TSPEAR: variants seen among roughly 807,000 people sequenced by gnomAD.
TSPEAR encodes thrombospondin-type laminin G domain and EAR repeat-containing protein.
In TSPEAR, 69 loss-of-function variants were observed where a neutral mutation model predicts 71.6. That is an observed-to-expected ratio of 0.96 (90% CI 0.79 to 1.18). The LOEUF (loss-of-function observed/expected upper bound fraction) is 1.18, where lower values mean the gene tolerates loss of function less well. Among genes scored for constraint, TSPEAR ranks in the 50% most tolerant of loss-of-function variants. The pLI is 0.00. For synonymous variants in TSPEAR, 402 were observed against 387.2 expected (o/e 1.04, Z -0.45); for missense variants, 971 against 894.9 (o/e 1.09, Z -1.09).
chr21:44,533,805 C>A lies in TSPEAR; in HGVS notation c.422G>T (p.Trp141Leu), dbSNP rs1555916021. 1 of 1,612,510 alleles carries A rather than the reference C, an allele frequency of 6.2e-7. No homozygotes were observed. Residue 141 changes from tryptophan (W) to leucine (L), a missense_variant, in exon 3 of 12, where the codon TGG (tryptophan) becomes TTG (leucine). By Grantham distance (61) the Trp-to-Leu change is moderately conservative. Transcript: ENST00000323084. Reference sequence around the variant, plus strand: ...GCTGCGGAAGGACACTCGGGTCTGCCAGGCGCCGGCCGTGTCCTCGCGAAG... The same window carrying A: ...GCTGCGGAAGGACACTCGGGTCTGCAAGGCGCCGGCCGTGTCCTCGCGAAG... ...LFLREDTAGA[W>L]QTRVSFRSPA...
At chr21:44,589,271 CT>C (rs1555926076) in intron 1 of TSPEAR, among the ~76,000 whole-genome samples, 1 of 152,246 alleles carries the variant, frequency 6.6e-6, no homozygotes, top group Non-Finnish European at 1.5e-5. Flanking sequence ...TATTGGATTC[CT>C]TTTCATGGCT....
chr21:44,618,688 C>T (rs1488352443), intron 1 of TSPEAR, among the ~76,000 whole-genome samples: 3 of 152,202 alleles, frequency 2.0e-5, no homozygotes, highest in African/African-American at 7.2e-5. Flanking sequence ...GTTTGTAAGG[C>T]AGTGCAGTTG....
intron 11 of TSPEAR, 29 bp from the exon 12 acceptor site, chr21:44,499,965 A>C (rs2051996798): frequency 6.3e-7 from 1 of 1,582,130 alleles, no homozygotes; most frequent in Admixed American, 1.8e-5. Context: ...CAGCCGGGTC[A>C]GCCTGGGCTC....
Position 44,522,087 on chromosome 21 carries a change from G to A in TSPEAR, c.1362C>T (p.Val454=), listed in dbSNP as rs782366024. Residue 454 remains valine, a synonymous_variant, in exon 9 of 12, where the codon GTC becomes GTT. Coordinates refer to ENST00000323084, the MANE Select transcript of TSPEAR (RefSeq NM_144991.3). The part of the protein sequence containing the change: ...REGDNHNIDS[V]IYKWNPATRL... ...GGGTTGCCGGGTTCCACTTGTAGATGACACTGTCGATGTTGTGGTTGTCGC... is the reference window on the plus strand; with the variant it reads ...GGGTTGCCGGGTTCCACTTGTAGATAACACTGTCGATGTTGTGGTTGTCGC... The A allele has an allele frequency of 3.1e-6, 5 of 1,614,076 alleles. No individual in the cohort carries two copies. The African/African-American group carries it at 6.7e-5, about 22-fold the overall frequency.
intron 1 of TSPEAR, among the ~76,000 whole-genome samples, chr21:44,605,832 C>G (rs12627414): frequency 0.11 from 17,224 of 152,060 alleles, 1,845 homozygotes; most frequent in African/African-American, 0.28. Flanking sequence ...GGCATAAGAC[C>G]TGAAATGTGA....
chr21:44,511,528 A>G (rs965874475), intron 9 of TSPEAR, among the ~76,000 whole-genome samples: 1 of 152,202 alleles, frequency 6.6e-6, no homozygotes, highest in Non-Finnish European at 1.5e-5. Flanking sequence ...CCATGTGCAT[A>G]TGTGTATACT....
At chr21:44,666,250 GAC>G in intron 1 of TSPEAR, 2 of 653,508 alleles carry the variant, frequency 3.1e-6, no homozygotes, top group Middle Eastern at 4.3e-4. Context: ...TGGGACCCCA[GAC>G]TTCCCTGGGG....
At chr21:44,688,533 A>T (rs1447862746) in intron 1 of TSPEAR, among the ~76,000 whole-genome samples, 1 of 152,162 alleles carries the variant, frequency 6.6e-6, no homozygotes. Context: ...ATCCTGGCTA[A>T]CACGGTGAAA....
chr21:44,625,878 C>T (rs1287929084), intron 1 of TSPEAR, among the ~76,000 whole-genome samples: 1 of 152,196 alleles, frequency 6.6e-6, no homozygotes, highest in Non-Finnish European at 1.5e-5. Flanking sequence ...AGGACTCTCT[C>T]CCTGGGACAC....
At chr21:44,594,235 G>A (rs1016301013) in intron 1 of TSPEAR, among the ~76,000 whole-genome samples, 3 of 152,166 alleles carry the variant, frequency 2.0e-5, no homozygotes, top group African/African-American at 4.8e-5. Context: ...AAAAAGTGAC[G>A]GATGGCTAAC....
rs145544560 is a variant in TSPEAR at position 44,654,519 on chromosome 21, C to T, written c.82+56914G>A. The T allele has an allele frequency of 0.013, 20,778 of 1,613,224 alleles. 167 individuals are homozygous for T. Among genetic ancestry groups the T allele is most frequent in the Non-Finnish European group, 0.016 (18,286 of 1,179,588 alleles). The stretch of plus-strand genomic sequence containing the variant: ...AGGGGGCTGAGCAGCAGCAGGAGGT[C>T]CCATAGCCCTCGGGTGGGTAGCAGG... On this transcript the variant is annotated intron_variant, in intron 1 of 11. Transcript: ENST00000323084.
intron 1 of TSPEAR, among the ~76,000 whole-genome samples, chr21:44,669,196 G>A (rs990997419): frequency 1.2e-4 from 19 of 152,258 alleles, no homozygotes; most frequent in African/African-American, 3.9e-4. Context: ...AGGGCAAGGC[G>A]GCTGGATCAT....
chr21:44,529,986 G>T (rs145982752), intron 4 of TSPEAR, 32 bp from the exon 5 acceptor site: 1 of 1,532,512 alleles, frequency 6.5e-7, no homozygotes, highest in East Asian at 2.3e-5. Context: ...CTTCAGGCCC[G>T]CGCTGCTGGG....
intron 8 of TSPEAR, among the ~76,000 whole-genome samples, chr21:44,523,298 T>C (rs1397796209): frequency 6.6e-6 from 1 of 151,118 alleles, no homozygotes; most frequent in Non-Finnish European, 1.5e-5. Flanking sequence ...ATTCAGTCAG[T>C]CAGTCAGTTT....
chr21:44,529,070 C>T (rs369023773), intron 5 of TSPEAR, among the ~76,000 whole-genome samples: 1 of 152,200 alleles, frequency 6.6e-6, no homozygotes, highest in Non-Finnish European at 1.5e-5. Flanking sequence ...CACCTGCCAG[C>T]CGGTGCTGGC....
At chr21:44,689,956 T>C (rs782785076) in intron 1 of TSPEAR, among the ~76,000 whole-genome samples, 18 of 151,786 alleles carry the variant, frequency 1.2e-4, no homozygotes, top group Non-Finnish European at 2.2e-4. Context: ...CTGCTTTATA[T>C]TCGCTGGCAG....
chr21:44,533,083 G>A (rs1373662978), intron 3 of TSPEAR, among the ~76,000 whole-genome samples: 2 of 152,244 alleles, frequency 1.3e-5, no homozygotes, highest in African/African-American at 4.8e-5. Flanking sequence ...AGTGCGCTTG[G>A]TGTGATCGCC....
rs587638714 is a variant in TSPEAR, at chr21:44,627,001, C to T, written c.83-58996G>A. On this transcript the variant is annotated intron_variant, in intron 1 of 11. Coordinates refer to ENST00000323084, the MANE Select transcript of TSPEAR (RefSeq NM_144991.3). The stretch of plus-strand genomic sequence containing the variant: ...AACAAACATCCCTAATCATGGCAGA[C>T]GCCGCCTCTCAGCAACAAGGAAGGG... 152 of 1,050,138 alleles carry T rather than the reference C, an allele frequency of 1.4e-4. 2 individuals carry two copies. Among genetic ancestry groups the T allele is most frequent in the Admixed American group, 1.2e-3 (46 of 37,768 alleles). The allele number at this position is 1,050,138 out of a possible 1,614,324, so 65.1% of individuals were successfully genotyped here.
At chr21:44,607,014 T>C (rs587674040) in intron 1 of TSPEAR, among the ~76,000 whole-genome samples, 31 of 152,330 alleles carry the variant, frequency 2.0e-4, no homozygotes, top group African/African-American at 7.0e-4. Context: ...AAGAATATAC[T>C]TTTAATTTAC....
Sources: gnomAD v4.1 joint callset for allele counts (sites outside exome capture counted in the v4.1 genomes callset) on GRCh38, gnomAD v4.1.1 for gene constraint, MANE v1.5 for transcripts, NCBI Gene and HGNC (gene_info 2026-07-23, HGNC 2026-07-21) for gene names.